Variants in PRKCI observed in about 807,000 individuals in gnomAD.
The protein encoded by PRKCI is protein kinase C iota type.
Under a neutral mutation model 84.0 loss-of-function variants are expected in PRKCI, and 43 were observed. The ratio of observed to expected loss-of-function variants is 0.51; its 90% CI spans 0.40 to 0.66. PRKCI has a LOEUF of 0.66. Ranked by LOEUF, PRKCI falls within the 30% of genes least tolerant of loss-of-function variation. The probability of loss-of-function intolerance (pLI) is 0.00; values close to 1 mark genes in which losing one functional copy is unlikely to be tolerated. For missense variants in PRKCI, 459 were observed against 745.6 expected, an observed-to-expected ratio of 0.62 and a Z score of 4.48; for synonymous variants, 216 against 234.4, an observed-to-expected ratio of 0.92 and a Z score of 0.72.
chr3:170,238,792 A>C (rs560041566), intron 2 of PRKCI, among the ~76,000 whole-genome samples: 5 of 152,112 alleles, frequency 3.3e-5, no homozygotes, highest in Admixed American at 6.6e-5. Flanking sequence ...GGGTTTCACC[A>C]TGTTGGCCAG....
At chr3:170,259,265 G>A (rs1473101763) in intron 2 of PRKCI, among the ~76,000 whole-genome samples, 1 of 152,196 alleles carries the variant, frequency 6.6e-6, no homozygotes, top group Non-Finnish European at 1.5e-5. Flanking sequence ...CAGCACTTTG[G>A]GAGGCCCAGG....
Position 170,273,970 on chromosome 3 carries a change from TA to T in PRKCI, c.646+643del, listed in dbSNP as rs575518187. On this transcript the variant is annotated intron_variant, in intron 7 of 17. Coordinates refer to ENST00000295797, the MANE Select transcript of PRKCI (RefSeq NM_002740.6). ...AACACAGGGAGACTCTGTCTCTATTTAAAAAAAAAAAAAGTATGTAAACTAC... is the reference window on the plus strand; with the variant it reads ...AACACAGGGAGACTCTGTCTCTATTTAAAAAAAAAAAAGTATGTAAACTAC... Among the ~76,000 whole-genome samples the T allele has an allele frequency of 7.2e-3, 1,036 of 144,218 alleles. 7 individuals carry two copies. The highest frequency in any genetic ancestry group is 0.018 in the African/African-American group (726 of 39,712). The allele number at this position is 144,218 out of a possible 152,430, so 94.6% of individuals were successfully genotyped here.
chr3:170,241,052 T>A (rs150626219), intron 2 of PRKCI, among the ~76,000 whole-genome samples: 34 of 152,272 alleles, frequency 2.2e-4, no homozygotes, highest in East Asian at 7.7e-4. Flanking sequence ...TTCTTTTTTT[T>A]AAATTTTTAA....
chr3:170,222,617 G>A lies in PRKCI; in HGVS notation c.-53G>A, dbSNP rs950378038. The A allele has an allele frequency of 6.8e-7, 1 of 1,472,780 alleles. No homozygotes were observed. The highest frequency in any genetic ancestry group is 9.1e-7 in the Non-Finnish European group (1 of 1,099,138). The allele number at this position is 1,472,780 out of a possible 1,614,324, so 91.2% of individuals were successfully genotyped here. On this transcript the variant is annotated 5_prime_UTR_variant, in exon 1 of 18. Coordinates refer to ENST00000295797, the MANE Select transcript of PRKCI (RefSeq NM_002740.6). ...GGCGGCGGAGTCCCCCACGGCGCCC[G>A]AAGCGCCCCCCCGCACCCCCGGCCT...
At chr3:170,224,042 A>G (rs1169338140) in intron 1 of PRKCI, among the ~76,000 whole-genome samples, 1 of 149,118 alleles carries the variant, frequency 6.7e-6, no homozygotes, top group African/African-American at 2.5e-5. Flanking sequence ...CATTAGGTAT[A>G]TCTCCTAATG....
intron 12 of PRKCI, 147 bp downstream of exon 12, chr3:170,284,743 CT>C (rs1560182845): frequency 9.7e-7 from 1 of 1,033,498 alleles, no homozygotes; most frequent in Non-Finnish European, 1.4e-6. Flanking sequence ...GACAAATGTA[CT>C]TTTTTTCTAA....
In PRKCI at chr3:170,268,024, G is replaced by A. The variant is rs748875930; in HGVS notation, c.450+24G>A. 61 of 1,568,378 alleles carry A rather than the reference G, an allele frequency of 3.9e-5. No individual in the cohort carries two copies. The East Asian group carries it at 4.7e-4, about 12-fold the overall frequency. The stretch of plus-strand genomic sequence containing the variant: ...GGGTAAACATAGTTTGTTGAATGTC[G>A]ATAATGTGAAACAGCTATTTTTTCC... On this transcript the variant is annotated intron_variant, in intron 5 of 17. Transcript: ENST00000295797.
chr3:170,227,308 C>A (rs1732655325), intron 1 of PRKCI, among the ~76,000 whole-genome samples: 1 of 152,120 alleles, frequency 6.6e-6, no homozygotes, highest in Admixed American at 6.5e-5. Context: ...CGTCCGTAAT[C>A]CAGGCACATG....
Position 170,284,507 on chromosome 3 carries a change from C to T in PRKCI, c.1114C>T (p.Arg372Ter), listed in dbSNP as rs746373616. ...ISLALNYLHE[R>*]GIIYRDLKLD... The stretch of plus-strand genomic sequence containing the variant: ...TCTAGCATTAAATTATCTTCATGAG[C>T]GAGGGATAATTTATAGAGATTTGAA... Residue 372 changes from arginine (R) to a stop codon, truncating the protein, a stop_gained, in exon 12 of 18, where the codon CGA (arginine) becomes TGA (stop). Coordinates refer to ENST00000295797, the MANE Select transcript of PRKCI (RefSeq NM_002740.6). LOFTEE classifies it high-confidence loss of function. The T allele has an allele frequency of 5.0e-6, 8 of 1,600,332 alleles. No homozygotes were observed. The highest frequency in any genetic ancestry group is 5.1e-6 in the Non-Finnish European group (6 of 1,168,730).
chr3:170,227,222 T>A lies in PRKCI; in HGVS notation c.101+4452T>A, dbSNP rs183292657. 5.9e-5 allele frequency among the ~76,000 whole-genome samples: 9 copies of A among 152,316 alleles called. No homozygotes were observed. The East Asian group carries it at 1.7e-3, about 29-fold the overall frequency. On this transcript the variant is annotated intron_variant, in intron 1 of 17. Transcript: ENST00000295797. ...ATGAGCCTAATTTAAACATAGATTT[T>A]AAAAATTCCAGTCTTGCTTAAGATT...
intron 2 of PRKCI, among the ~76,000 whole-genome samples, chr3:170,259,484 G>A (rs1415107695): frequency 6.6e-6 from 1 of 152,064 alleles, no homozygotes; most frequent in East Asian, 1.9e-4. Flanking sequence ...ACCTACTTCA[G>A]AAAATTGAAT....
chr3:170,269,881 C>A (rs2108853391), intron 5 of PRKCI, among the ~76,000 whole-genome samples: 1 of 152,048 alleles, frequency 6.6e-6, no homozygotes, highest in South Asian at 2.1e-4. Context: ...TCACTTGAAC[C>A]CGGGAGGCGG....
chr3:170,236,881 G>A (rs199506827), intron 2 of PRKCI, among the ~76,000 whole-genome samples: 2,513 of 125,198 alleles, frequency 0.02, 88 homozygotes, highest in African/African-American at 0.065. Context: ...AAAAAAAAAA[G>A]AAAGAAAAAG....
intron 2 of PRKCI, among the ~76,000 whole-genome samples, chr3:170,241,723 T>G (rs1471542005): frequency 1.1e-4 from 16 of 147,476 alleles, no homozygotes; most frequent in Admixed American, 1.1e-3. Context: ...CAGGCTGGAG[T>G]GTACTGATGC....
intron 17 of PRKCI, among the ~76,000 whole-genome samples, chr3:170,300,731 C>A (rs1006378479): frequency 6.7e-6 from 1 of 148,860 alleles, no homozygotes; most frequent in Admixed American, 6.7e-5. Flanking sequence ...CCCTTACAAT[C>A]GAACCTGTCC....
chr3:170,254,989 G>A (rs1214892351), intron 2 of PRKCI, among the ~76,000 whole-genome samples: 2 of 133,242 alleles, frequency 1.5e-5, no homozygotes, highest in African/African-American at 5.6e-5. Context: ...TTTTTAATGT[G>A]TATGTCTTCT....
intron 3 of PRKCI, among the ~76,000 whole-genome samples, chr3:170,261,884 G>C (rs1439519553): frequency 6.6e-6 from 1 of 151,856 alleles, no homozygotes; most frequent in Non-Finnish European, 1.5e-5. Context: ...TATTTTTTTT[G>C]TCATCTCTTT....
At chr3:170,264,340 C>T (rs1178659551) in intron 4 of PRKCI, among the ~76,000 whole-genome samples, 5 of 151,928 alleles carry the variant, frequency 3.3e-5, no homozygotes, top group Non-Finnish European at 5.9e-5. Context: ...AGTGCAGTGA[C>T]GCAATCTTGG....
intron 12 of PRKCI, among the ~76,000 whole-genome samples, chr3:170,289,603 A>G (rs1734486286): frequency 6.6e-6 from 1 of 151,854 alleles, no homozygotes; most frequent in Non-Finnish European, 1.5e-5. Flanking sequence ...GCAAAACCCC[A>G]TCTCTACTAA....
Sources: gnomAD v4.1 joint callset for allele counts (sites outside exome capture counted in the v4.1 genomes callset) on GRCh38, gnomAD v4.1.1 for gene constraint, MANE v1.5 for transcripts, NCBI Gene and HGNC (gene_info 2026-07-23, HGNC 2026-07-21) for gene names.